The following INTS12 variants were observed in gnomAD, a reference collection of about 807,000 sequenced individuals.
INTS12 encodes the protein integrator complex subunit 12, also known as PHD finger protein 22.
In INTS12, 13 loss-of-function variants were observed where a neutral mutation model predicts 41.6. The observed-to-expected ratio is 0.31, with a 90% confidence interval of 0.20 to 0.50. The LOEUF (loss-of-function observed/expected upper bound fraction) is 0.50. Among genes scored for constraint, INTS12 ranks in the 20% least tolerant of loss-of-function variants. INTS12 has a pLI of 0.98. For synonymous variants in INTS12, 199 were observed against 191.4 expected, an observed-to-expected ratio of 1.04 and a Z score of -0.33; for missense variants, 432 against 541.6, an observed-to-expected ratio of 0.80 and a Z score of 2.01.
At chr4:105,686,498 AAAC>A (rs1387256470) in intron 7 of INTS12, among the ~76,000 whole-genome samples, 191 bp downstream of exon 7, 1 of 152,212 alleles carries the variant, frequency 6.6e-6, no homozygotes, top group African/African-American at 2.4e-5. Context: ...ATAAAAAGAA[AAAC>A]AACAGAGTTA....
chr4:105,700,797 T>C (rs1732043941), intron 2 of INTS12, among the ~76,000 whole-genome samples: 1 of 150,718 alleles, frequency 6.6e-6, no homozygotes, highest in Admixed American at 6.6e-5. Flanking sequence ...CCAAGATGGA[T>C]AAAGATATAC....
rs1309006830 is a variant in INTS12, at chr4:105,693,310, G to A, written c.486C>T (p.Cys162=). 5.6e-6 allele frequency: 9 copies of A among 1,596,056 alleles called. No individual in the cohort carries two copies. Among genetic ancestry groups the A allele is most frequent in the East Asian group, 4.5e-5 (2 of 44,682 alleles). Residue 162 remains cysteine (C), a synonymous_variant, in exon 5 of 8, where the codon TGC becomes TGT. Coordinates refer to ENST00000340139, the MANE Select transcript of INTS12 (RefSeq NM_020395.4). The part of the protein sequence containing the change: ...DDFAMEMGLA[C]VVCRQMMVAS... ...AAGGTACAACTTACCTACAAACAAC[G>A]CAGGCCAATCCCATCTCCATGGCAA...
At chr4:105,689,110 T>G (rs1438375466) in intron 6 of INTS12, among the ~76,000 whole-genome samples, 1 of 152,184 alleles carries the variant, frequency 6.6e-6, no homozygotes, top group Non-Finnish European at 1.5e-5. Flanking sequence ...ACCACTGCAA[T>G]AAGTGATATG....
At chr4:105,708,597 C>G (rs1204568903) in intron 1 of INTS12, 41 bp downstream of exon 1, 8 of 985,194 alleles carry the variant, frequency 8.1e-6, no homozygotes, top group Non-Finnish European at 9.6e-6. Context: ...GGGTCTCGAG[C>G]CTCCAGGAGG....
At chr4:105,704,550 A>T (rs756118798) in intron 1 of INTS12, among the ~76,000 whole-genome samples, 1 of 152,196 alleles carries the variant, frequency 6.6e-6, no homozygotes, top group Non-Finnish European at 1.5e-5. Flanking sequence ...TGCCCTAGAC[A>T]ATTTGATCTA....
chr4:105,693,189 A>T (rs1731747116), intron 5 of INTS12, 110 bp downstream of exon 5: 1 of 880,294 alleles, frequency 1.1e-6, no homozygotes, highest in East Asian at 2.6e-5. Flanking sequence ...AATAGTAAAA[A>T]CAAAATAGAA....
intron 6 of INTS12, 169 bp from the exon 7 acceptor site, chr4:105,687,007 T>A: frequency 1.6e-6 from 1 of 622,168 alleles, no homozygotes; most frequent in Non-Finnish European, 2.8e-6. Context: ...ATCATATTAA[T>A]GGTCTTACAG....
At chr4:105,683,403 A>T in intron 7 of INTS12, 86 bp from the exon 8 acceptor site, 1 of 980,668 alleles carries the variant, frequency 1.0e-6, no homozygotes, top group Admixed American at 2.9e-5. Context: ...TGGGAAATTT[A>T]AATCACACCA....
At chr4:105,696,096 C>T (rs1249028909) in intron 3 of INTS12, among the ~76,000 whole-genome samples, 1 of 152,160 alleles carries the variant, frequency 6.6e-6, no homozygotes, top group African/African-American at 2.4e-5. Flanking sequence ...AATGATCCGC[C>T]CACCTCGGCC....
At chr4:105,691,933 A>C in intron 6 of INTS12, 43 bp downstream of exon 6, 2 of 1,418,046 alleles carry the variant, frequency 1.4e-6, no homozygotes, top group Non-Finnish European at 9.4e-7. Flanking sequence ...ACCAACAAAA[A>C]CATTGACAGA....
At chr4:105,686,085 G>A (rs1731488514) in intron 7 of INTS12, among the ~76,000 whole-genome samples, 1 of 152,014 alleles carries the variant, frequency 6.6e-6, no homozygotes, top group African/African-American at 2.4e-5. Context: ...TTTTTGAGTT[G>A]CAGTTTCGCT....
chr4:105,699,503 T>A (rs1216958417), intron 3 of INTS12, among the ~76,000 whole-genome samples: 1 of 152,190 alleles, frequency 6.6e-6, no homozygotes, highest in African/African-American at 2.4e-5. Flanking sequence ...TTTTTTTTAA[T>A]CCTTAAAATA....
At chr4:105,708,039 T>G (rs771095056) in intron 1 of INTS12, 5 of 985,436 alleles carry the variant, frequency 5.1e-6, no homozygotes, top group Non-Finnish European at 6.0e-6. Context: ...TCTAAAAAAC[T>G]TTGTTCTTCA....
At position 105,686,772 on chromosome 4, in the gene INTS12, T is replaced by C. The variant is rs1470065643; in HGVS notation, c.724A>G (p.Lys242Glu). Residue 242 changes from lysine (K) to glutamate (E), a missense_variant, in exon 7 of 8, where the codon AAA becomes GAA. By Grantham distance (56) the Lys-to-Glu change is moderately conservative. Around this residue, in one of 3 missense-constraint regions of INTS12, gnomAD observed 258 missense variants for 309.9 expected, o/e 0.83. Transcript: ENST00000340139. The stretch of plus-strand genomic sequence containing the variant: ...TCTGGTTTCTTAACCAATGGATCTT[T>C]GACAGCTGGAGTTACAGAAACAACT... ...PAVVSVTPAVKDPLVKKPETK... is the reference protein window; with the variant it reads ...PAVVSVTPAVEDPLVKKPETK... 6.2e-7 allele frequency: 1 copy of C among 1,613,900 alleles called. No homozygotes were observed. Among genetic ancestry groups the C allele is most frequent in the African/African-American group, 1.3e-5 (1 of 75,030 alleles).
chr4:105,688,073 T>C (rs1731556409), intron 6 of INTS12, among the ~76,000 whole-genome samples: 2 of 152,182 alleles, frequency 1.3e-5, no homozygotes, highest in African/African-American at 4.8e-5. Flanking sequence ...ATAGCATTTG[T>C]TTCAAAGGTG....
At chr4:105,687,273 C>T (rs1731529775) in intron 6 of INTS12, among the ~76,000 whole-genome samples, 1 of 152,076 alleles carries the variant, frequency 6.6e-6, no homozygotes, top group Admixed American at 6.6e-5. Flanking sequence ...TAAAACACAG[C>T]TCAGATCATT....
At chr4:105,689,476 GATC>G (rs780402638) in intron 6 of INTS12, among the ~76,000 whole-genome samples, 1 of 152,074 alleles carries the variant, frequency 6.6e-6, no homozygotes, top group Non-Finnish European at 1.5e-5. Context: ...GCTCACTTCA[GATC>G]ATGTCTTTTG....
chr4:105,682,684 A>T lies in INTS12; in HGVS notation c.*49T>A, dbSNP rs1343228604. ...GTATTACAGATTATATCATAATAAT[A>T]AGCCTTTCATCTTTAGGCTAATATG... On this transcript the variant is annotated 3_prime_UTR_variant, in exon 8 of 8. Coordinates refer to ENST00000340139, the MANE Select transcript of INTS12 (RefSeq NM_020395.4). The T allele has an allele frequency of 7.6e-7, 1 of 1,317,266 alleles. No individual in the cohort carries two copies. The highest frequency in any genetic ancestry group is 1.9e-5 in the Admixed American group (1 of 53,776). 81.6% of individuals were successfully genotyped at this position (1,317,266 alleles called of 1,614,324 possible).
At chr4:105,684,702 G>A (rs1442522215) in intron 7 of INTS12, among the ~76,000 whole-genome samples, 1 of 151,986 alleles carries the variant, frequency 6.6e-6, no homozygotes, top group Non-Finnish European at 1.5e-5. Context: ...TATTCCTAGA[G>A]GAATATATAC....
Sources: gnomAD v4.1 joint callset for allele counts (sites outside exome capture counted in the v4.1 genomes callset) on GRCh38, gnomAD v4.1.1 for gene constraint, gnomAD v4.1.1 regional missense constraint, MANE v1.5 for transcripts, NCBI Gene and HGNC (gene_info 2026-07-23, HGNC 2026-07-21) for gene names.